The following IQCH variants were observed in gnomAD, a reference collection of about 807,000 sequenced individuals.
The protein encoded by IQCH is IQ motif containing H.
In IQCH, 98 loss-of-function variants were observed where a neutral mutation model predicts 117.0. The observed-to-expected ratio is 0.84, with a 90% CI of 0.71 to 0.99. The LOEUF (loss-of-function observed/expected upper bound fraction) is 0.99, where lower values mean the gene tolerates loss of function less well. Among genes scored for constraint, IQCH ranks in the 50% least tolerant of loss-of-function variants. The probability of loss-of-function intolerance (pLI) is 0.00; values close to 1 mark genes in which losing one functional copy is unlikely to be tolerated. For missense variants in IQCH, 1,102 were observed against 1,243.8 expected (o/e 0.89, Z 1.72); for synonymous variants, 412 against 448.2 (o/e 0.92, Z 1.02).
intron 8 of IQCH, among the ~76,000 whole-genome samples, chr15:67,367,496 G>A (rs1369347989): frequency 1.3e-5 from 2 of 152,102 alleles, no homozygotes; most frequent in Non-Finnish European, 2.9e-5. Context: ...CTATGATCAC[G>A]CAACTGCACT....
chr15:67,334,206 C>G (rs1042491394), intron 4 of IQCH, among the ~76,000 whole-genome samples: 5 of 152,036 alleles, frequency 3.3e-5, no homozygotes, highest in Non-Finnish European at 5.9e-5. Context: ...ATACAAACTA[C>G]AAAGTGTGGT....
chr15:67,259,655 A>T (rs1965377820), intron 1 of IQCH, among the ~76,000 whole-genome samples: 1 of 152,366 alleles, frequency 6.6e-6, no homozygotes, highest in African/African-American at 2.4e-5. Flanking sequence ...AGAAAGATAC[A>T]TGGAGCTACA....
At chr15:67,311,592 TATATA>T (rs1401888472) in intron 4 of IQCH, among the ~76,000 whole-genome samples, 1 of 148,452 alleles carries the variant, frequency 6.7e-6, no homozygotes, top group Non-Finnish European at 1.5e-5. Flanking sequence ...ATTTATATAA[TATATA>T]ATGTAAGCAC....
intron 4 of IQCH, among the ~76,000 whole-genome samples, chr15:67,324,079 G>A (rs1398094625): frequency 6.6e-6 from 1 of 150,900 alleles, no homozygotes; most frequent in Non-Finnish European, 1.5e-5. Context: ...AAGCAGCTGG[G>A]ATTACAGGTA....
intron 4 of IQCH, among the ~76,000 whole-genome samples, chr15:67,331,465 A>G (rs1264012592): frequency 1.3e-5 from 2 of 152,218 alleles, no homozygotes; most frequent in East Asian, 1.9e-4. Context: ...CTATAAATAC[A>G]ATGAACATAA....
chr15:67,312,347 A>C (rs1464512294), intron 4 of IQCH, among the ~76,000 whole-genome samples: 1 of 152,080 alleles, frequency 6.6e-6, no homozygotes, highest in Non-Finnish European at 1.5e-5. Flanking sequence ...CATTATTCTG[A>C]GAAGGGGTCT....
chr15:67,274,735 G>A (rs147449384), intron 3 of IQCH, among the ~76,000 whole-genome samples: 5 of 152,152 alleles, frequency 3.3e-5, no homozygotes, highest in African/African-American at 1.2e-4. Flanking sequence ...CTGTTTCTTT[G>A]CATTAAAGGA....
At chr15:67,482,398 G>T (rs1449641397) in intron 18 of IQCH, among the ~76,000 whole-genome samples, 3 of 151,832 alleles carry the variant, frequency 2.0e-5, no homozygotes, top group Non-Finnish European at 4.4e-5. Context: ...AGATAATTTT[G>T]TTTTTTTTCT....
At position 67,388,968 on chromosome 15, in the gene IQCH, T is replaced by C. The variant is rs753310212; in HGVS notation, c.1594T>C (p.Phe532Leu). Reference sequence around the variant, plus strand: ...GGACAGAAGTGACCTGCAGGACAGGTTCAAAATTATCACACCTGAAGCTGT... The same window carrying C: ...GGACAGAAGTGACCTGCAGGACAGGCTCAAAATTATCACACCTGAAGCTGT... ...LEDRSDLQDR[F>L]KIITPEAVNI... The change falls in exon 12 of 21, where the codon TTC becomes CTC. Residue 532 changes from phenylalanine to leucine, a missense_variant. By Grantham distance (22) the Phe-to-Leu change is conservative. Transcript: ENST00000335894. The surrounding 1 kb of genome is among the most constrained non-coding windows in gnomAD (Gnocchi z 5.5). The C allele has an allele frequency of 9.3e-6, 15 of 1,613,868 alleles. No homozygotes were observed. Among genetic ancestry groups the C allele is most frequent in the Non-Finnish European group, 1.2e-5 (14 of 1,179,912 alleles).
Position 67,359,731 on chromosome 15 carries a change from G to A in IQCH, c.715-116G>A. On this transcript the variant is annotated intron_variant, in intron 7 of 20. Coordinates refer to ENST00000335894, the MANE Select transcript of IQCH (RefSeq NM_001031715.3). The surrounding 1 kb of genome is among the most constrained non-coding windows in gnomAD (Gnocchi z 4.5). ...CCTGCCTGCGTGGAAAGAGAGAACA[G>A]GCTGGCCCAGCGGGTAAAATGGGGA... The A allele has an allele frequency of 1.2e-6, 1 of 868,430 alleles. No individual in the cohort carries two copies. The highest frequency in any genetic ancestry group is 1.8e-5 in the Admixed American group (1 of 55,908). 53.8% of individuals were successfully genotyped at this position (868,430 alleles called of 1,614,324 possible). A position where few individuals can be genotyped will look rare whatever the true frequency, so the allele number is the denominator to read the frequency against.
chr15:67,288,006 T>G (rs1966626655), intron 4 of IQCH, among the ~76,000 whole-genome samples: 1 of 152,126 alleles, frequency 6.6e-6, no homozygotes, highest in Non-Finnish European at 1.5e-5. Context: ...GACCCACTGG[T>G]CATTCAGGAG....
At chr15:67,394,342 A>G (rs1971387512) in intron 12 of IQCH, among the ~76,000 whole-genome samples, 1 of 152,146 alleles carries the variant, frequency 6.6e-6, no homozygotes, top group African/African-American at 2.4e-5. Flanking sequence ...CAGCATCCTT[A>G]TGAGGTAGAT....
chr15:67,469,330 A>G (rs928633392), intron 17 of IQCH, among the ~76,000 whole-genome samples: 1 of 152,096 alleles, frequency 6.6e-6, no homozygotes, highest in Non-Finnish European at 1.5e-5. Context: ...GGGGGATTTG[A>G]TCTTACGGGG....
At chr15:67,471,225 T>C (rs1411026787) in intron 17 of IQCH, among the ~76,000 whole-genome samples, 1 of 136,652 alleles carries the variant, frequency 7.3e-6, no homozygotes, top group Non-Finnish European at 1.5e-5. Context: ...TACCATAAAG[T>C]GGAATTTTGG....
chr15:67,428,532 C>T (rs1183665022), intron 16 of IQCH, among the ~76,000 whole-genome samples: 1 of 151,976 alleles, frequency 6.6e-6, no homozygotes, highest in African/African-American at 2.4e-5. Context: ...CCAGGTGGCC[C>T]CAATATAATC....
In IQCH at chr15:67,427,900, TTCACTGTAATCTTTGCC is replaced by T. The variant is rs1057102749; in HGVS notation, c.2505+6326_2505+6342del. Among the ~76,000 whole-genome samples the T allele has an allele frequency of 1.3e-4, 19 of 151,958 alleles. No individual in the cohort carries two copies. The highest frequency in any genetic ancestry group is 4.1e-4 in the African/African-American group (17 of 41,336). ...CTGGAGTGCAGTGGCATGATCTTGCTTCACTGTAATCTTTGCCTCCCAGGCTCAAGTGATTCTTGTGC... is the reference window on the plus strand; with the variant it reads ...CTGGAGTGCAGTGGCATGATCTTGCTTCCCAGGCTCAAGTGATTCTTGTGC... On this transcript the variant is annotated intron_variant, in intron 16 of 20. Coordinates refer to ENST00000335894, the MANE Select transcript of IQCH (RefSeq NM_001031715.3). The surrounding 1 kb of genome is among the most constrained non-coding windows in gnomAD (Gnocchi z 4.7).
chr15:67,466,283 G>A lies in IQCH; in HGVS notation c.2676+986G>A, dbSNP rs762796587. ...ATGGAGAGAGAGAACAAAGGCCAAGGGGACCAGATGCCCTTTGTGCAAGAG... is the reference window on the plus strand; with the variant it reads ...ATGGAGAGAGAGAACAAAGGCCAAGAGGACCAGATGCCCTTTGTGCAAGAG... On this transcript the variant is annotated intron_variant, in intron 17 of 20. Coordinates refer to ENST00000335894, the MANE Select transcript of IQCH (RefSeq NM_001031715.3). This position sits in a 1 kb window ranked among gnomAD's most constrained non-coding sequence, Gnocchi z 4.4. Among the ~76,000 whole-genome samples the A allele has an allele frequency of 6.6e-6, 1 of 152,172 alleles. No homozygotes were observed. The highest frequency in any genetic ancestry group is 1.5e-5 in the Non-Finnish European group (1 of 68,030).
chr15:67,470,111 G>T (rs2083032321), intron 17 of IQCH, among the ~76,000 whole-genome samples: 1 of 152,232 alleles, frequency 6.6e-6, no homozygotes, highest in African/African-American at 2.4e-5. Flanking sequence ...CTCAGCTTCT[G>T]AGTCTCACAC....
chr15:67,345,381 G>A (rs1367285370), intron 6 of IQCH, among the ~76,000 whole-genome samples: 3 of 152,116 alleles, frequency 2.0e-5, no homozygotes, highest in African/African-American at 7.2e-5. Flanking sequence ...TGGATTTAGT[G>A]ATTCACATCC....
Sources: gnomAD v4.1 joint callset for allele counts (sites outside exome capture counted in the v4.1 genomes callset) on GRCh38, gnomAD v4.1.1 for gene constraint, Gnocchi (gnomAD v3.1) non-coding constraint, MANE v1.5 for transcripts, NCBI Gene and HGNC (gene_info 2026-07-23, HGNC 2026-07-21) for gene names.